Variants in FAM186B observed in about 807,000 individuals in gnomAD.
The protein encoded by FAM186B is family with sequence similarity 186 member B, also known as protein FAM186B.
FAM186B carries 68 observed loss-of-function variants against 83.4 expected under a neutral mutation model. The ratio of observed to expected loss-of-function variants is 0.81; its 90% CI spans 0.67 to 1.00. The LOEUF is 1.00. Among genes scored for constraint, FAM186B ranks in the 50% least tolerant of loss-of-function variants. The pLI is 0.00. For missense variants in FAM186B, 983 were observed against 1,099.2 expected, an observed-to-expected ratio of 0.89 and a Z score of 1.49; for synonymous variants, 389 against 422.0, an observed-to-expected ratio of 0.92 and a Z score of 0.96.
downstream of FAM186B, chr12:49,584,055 A>C: frequency 5.8e-6 from 1 of 171,234 alleles, no homozygotes; most frequent in Non-Finnish European, 1.3e-5. Context: ...TCTGGTCTGT[A>C]TTTGGTATCT....
the FAM186B span, among the ~76,000 whole-genome samples, chr12:49,622,390 C>T: frequency 1.3e-5 from 2 of 152,202 alleles, no homozygotes; most frequent in African/African-American, 4.8e-5. Context: ...CGCCTGTAGT[C>T]CCAGCTACTC....
At chr12:49,615,075 G>C in the FAM186B span, among the ~76,000 whole-genome samples, 1 of 151,990 alleles carries the variant, frequency 6.6e-6, no homozygotes, top group Admixed American at 6.6e-5. Flanking sequence ...CTTGCAGTGA[G>C]CCAAGTTCGT....
the FAM186B span, among the ~76,000 whole-genome samples, chr12:49,622,137 C>T: frequency 1.0e-3 from 159 of 152,376 alleles, no homozygotes; most frequent in African/African-American, 3.5e-3. Context: ...GCCCCAGCTG[C>T]GCTGGCATCG....
downstream of FAM186B, chr12:49,584,257 G>C (rs1313957815): frequency 2.0e-6 from 1 of 495,218 alleles, no homozygotes; most frequent in Non-Finnish European, 3.7e-6. Flanking sequence ...AGGAGGTGTG[G>C]GTTTCAGCAA....
chr12:49,605,643 C>T, upstream of FAM186B: 1 of 604,156 alleles, frequency 1.7e-6, no homozygotes, highest in South Asian at 2.3e-5. Context: ...TCCAACTGAT[C>T]CTCTTTTCCC....
chr12:49,588,329 A>C, intron 6 of FAM186B, 125 bp downstream of exon 6: 2 of 1,218,918 alleles, frequency 1.6e-6, no homozygotes, highest in Admixed American at 2.4e-5. Context: ...GGCACTTTGC[A>C]ACTCGTAGGG....
chr12:49,592,761 A>G (rs7979285), intron 5 of FAM186B, among the ~76,000 whole-genome samples: 38,783 of 152,058 alleles, frequency 0.26, 7,823 homozygotes, highest in African/African-American at 0.57. Flanking sequence ...ACTCCAGCTT[A>G]GGAGAGAGAG....
intron 2 of FAM186B, among the ~76,000 whole-genome samples, chr12:49,603,681 C>T (rs185965263): frequency 7.5e-4 from 114 of 152,240 alleles, no homozygotes; most frequent in African/African-American, 2.5e-3. Context: ...TGCTCTATGC[C>T]GATTGCCTAG....
At chr12:49,603,137 C>T (rs753444945) in intron 3 of FAM186B, 48 bp downstream of exon 3, 1 of 1,604,558 alleles carries the variant, frequency 6.2e-7, no homozygotes, top group South Asian at 1.1e-5. Context: ...TGCCATGGCT[C>T]CACCCCGTCC....
upstream of FAM186B, among the ~76,000 whole-genome samples, chr12:49,608,454 G>A (rs1434460032): frequency 1.4e-5 from 2 of 145,524 alleles, no homozygotes; most frequent in Non-Finnish European, 3.0e-5. Context: ...TCATATCACT[G>A]TACTCCAGCC....
chr12:49,622,138 G>A, the FAM186B span, among the ~76,000 whole-genome samples: 1 of 152,326 alleles, frequency 6.6e-6, no homozygotes, highest in Middle Eastern at 3.4e-3. Context: ...CCCCAGCTGC[G>A]CTGGCATCGC....
downstream of FAM186B, among the ~76,000 whole-genome samples, chr12:49,584,962 G>A (rs1272954791): frequency 6.6e-6 from 1 of 152,056 alleles, no homozygotes; most frequent in Non-Finnish European, 1.5e-5. Flanking sequence ...TTAGATGCCT[G>A]TGTGAGTCTG....
intron 5 of FAM186B, among the ~76,000 whole-genome samples, chr12:49,594,874 C>CAA (rs35465735): frequency 8.2e-6 from 1 of 122,606 alleles, no homozygotes; most frequent in South Asian, 2.7e-4. Flanking sequence ...GACTCTGTCT[C>CAA]AAAAAAAAAA....
chr12:49,597,016 C>T (rs908999749), intron 5 of FAM186B, among the ~76,000 whole-genome samples: 6 of 152,154 alleles, frequency 3.9e-5, no homozygotes, highest in Non-Finnish European at 5.9e-5. Flanking sequence ...TGTACTTTTT[C>T]TATGTTTAGA....
the FAM186B span, among the ~76,000 whole-genome samples, chr12:49,620,259 A>C: frequency 6.6e-6 from 1 of 152,192 alleles, no homozygotes; most frequent in African/African-American, 2.4e-5. Flanking sequence ...AAGTACTCCT[A>C]GTTTGCTGCA....
At chr12:49,612,524 T>G in the FAM186B span, among the ~76,000 whole-genome samples, 37 of 151,600 alleles carry the variant, frequency 2.4e-4, no homozygotes, top group Middle Eastern at 3.4e-3. Flanking sequence ...TTATGAGGTT[T>G]TTTTATGTGT....
At chr12:49,619,057 T>C in the FAM186B span, among the ~76,000 whole-genome samples, 1 of 152,348 alleles carries the variant, frequency 6.6e-6, no homozygotes, top group East Asian at 1.9e-4. Flanking sequence ...TGTCAGAAGC[T>C]AGAAGACCAT....
rs1939968919 is a variant in FAM186B, at chr12:49,604,495, C to T, written c.140G>A (p.Cys47Tyr). 6.2e-7 allele frequency: 1 copy of T among 1,614,062 alleles called. No individual in the cohort carries two copies. Among genetic ancestry groups the T allele is most frequent in the Non-Finnish European group, 8.5e-7 (1 of 1,180,034 alleles). Reference sequence around the variant, plus strand: ...TTCTTCCTGGAAGCGGTTGATGACACAATTGACATTGTCCAAAATGTCTGA... The same window carrying T: ...TTCTTCCTGGAAGCGGTTGATGACATAATTGACATTGTCCAAAATGTCTGA... ...QLSDILDNVN[C>Y]VINRFQEELG... The change falls in exon 2 of 7, where the codon TGT becomes TAT. Residue 47 changes from cysteine (C) to tyrosine (Y), a missense_variant. Transcript: ENST00000257894.
the FAM186B span, among the ~76,000 whole-genome samples, chr12:49,612,644 C>A: frequency 6.6e-6 from 1 of 151,710 alleles, no homozygotes; most frequent in Admixed American, 6.6e-5. Flanking sequence ...ATTGGATATC[C>A]CTCTCAGATA....
Sources: allele counts gnomAD v4.1 joint callset (sites outside exome capture counted in the v4.1 genomes callset), GRCh38; gene constraint gnomAD v4.1.1; transcripts MANE v1.5; gene names NCBI Gene and HGNC (gene_info 2026-07-23, HGNC 2026-07-21).